The following KCTD8 variants were observed in gnomAD, a reference collection of about 807,000 sequenced individuals.
The protein encoded by KCTD8 is BTB/POZ domain-containing protein KCTD8.
In KCTD8, 27 loss-of-function variants were observed where a neutral mutation model predicts 31.5. That is an observed-to-expected ratio of 0.86 (90% CI 0.63 to 1.18). The LOEUF (loss-of-function observed/expected upper bound fraction) is 1.18. Among genes scored for constraint, KCTD8 ranks in the 50% most tolerant of loss-of-function variants. The pLI is 0.00. For synonymous variants in KCTD8, 290 were observed against 280.0 expected, an observed-to-expected ratio of 1.04 and a Z score of -0.36; for missense variants, 658 against 647.7, an observed-to-expected ratio of 1.02 and a Z score of -0.17.
At chr4:44,300,911 C>T (rs1474360542) in intron 1 of KCTD8, among the ~76,000 whole-genome samples, 2 of 145,606 alleles carry the variant, frequency 1.4e-5, no homozygotes, top group Non-Finnish European at 3.0e-5. Context: ...GTTCCCCTTC[C>T]TGTGTCCATA....
At position 44,221,812 on chromosome 4, in the gene KCTD8, T is replaced by C. The variant is rs559196971; in HGVS notation, c.962-46562A>G. Among the ~76,000 whole-genome samples the C allele has an allele frequency of 2.0e-3, 308 of 152,014 alleles. 3 individuals carry two copies. Among genetic ancestry groups the C allele is most frequent in the African/African-American group, 6.6e-3 (273 of 41,460 alleles). Reference sequence around the variant, plus strand: ...GCTGATTAGATGGTGCCCACCCAGATTGAGGGTGTCTGTGTCTCCCAATTC... The same window carrying C: ...GCTGATTAGATGGTGCCCACCCAGACTGAGGGTGTCTGTGTCTCCCAATTC... On this transcript the variant is annotated intron_variant, in intron 1 of 1. Transcript: ENST00000360029.
At chr4:44,305,270 T>G (rs935643209) in intron 1 of KCTD8, among the ~76,000 whole-genome samples, 3 of 151,470 alleles carry the variant, frequency 2.0e-5, no homozygotes, top group African/African-American at 7.3e-5. Context: ...TAAAAGTAAT[T>G]ATAAATAATC....
At chr4:44,289,629 T>C (rs73811999) in intron 1 of KCTD8, among the ~76,000 whole-genome samples, 4,477 of 152,086 alleles carry the variant, frequency 0.029, 240 homozygotes, top group African/African-American at 0.1. Context: ...TGCTGTGAAA[T>C]GTTGGGATCC....
At position 44,173,913 on chromosome 4, in the gene KCTD8, T is replaced by A. The variant is rs1290985372; in HGVS notation, c.*877A>T. The A allele has an allele frequency of 6.6e-6, 1 of 152,104 alleles. No homozygotes were observed. Among genetic ancestry groups the A allele is most frequent in the Admixed American group, 6.5e-5 (1 of 15,274 alleles). 9.4% of individuals were successfully genotyped at this position (152,104 alleles called of 1,614,324 possible). A position where few individuals can be genotyped will look rare whatever the true frequency, so the allele number is the denominator to read the frequency against. Reference sequence around the variant, plus strand: ...ATAGAAATCAAGAAATTCTAATACATTTTTCTTTTTTTAATAAATACATAA... The same window carrying A: ...ATAGAAATCAAGAAATTCTAATACAATTTTCTTTTTTTAATAAATACATAA... On this transcript the variant is annotated 3_prime_UTR_variant, in exon 2 of 2. Coordinates refer to ENST00000360029, the MANE Select transcript of KCTD8 (RefSeq NM_198353.3).
chr4:44,227,796 A>G (rs538262008), intron 1 of KCTD8, among the ~76,000 whole-genome samples: 1 of 152,314 alleles, frequency 6.6e-6, no homozygotes, highest in South Asian at 2.1e-4. Flanking sequence ...TTCACCTACA[A>G]GTACTGTCAC....
intron 1 of KCTD8, among the ~76,000 whole-genome samples, chr4:44,209,923 C>T (rs1013690989): frequency 6.6e-6 from 1 of 152,122 alleles, no homozygotes; most frequent in Non-Finnish European, 1.5e-5. Flanking sequence ...AAAAAAGCTA[C>T]ACTATGGAGA....
At chr4:44,193,763 G>A (rs895128761) in intron 1 of KCTD8, among the ~76,000 whole-genome samples, 2 of 152,078 alleles carry the variant, frequency 1.3e-5, no homozygotes, top group African/African-American at 4.8e-5. Context: ...TTTATCAAAT[G>A]TAAGGGTTTT....
Position 44,181,537 on chromosome 4 carries a change from T to A in KCTD8, c.962-6287A>T, listed in dbSNP as rs564809922. 3.3e-5 allele frequency among the ~76,000 whole-genome samples: 5 copies of A among 152,318 alleles called. No individual in the cohort carries two copies. In the South Asian group the frequency reaches 1.0e-3, roughly 32 times the overall value. ...CGCCGGGATTGCAGACGGAGTCTCC[T>A]TCACTCAGTGCTCAATGTTGCCCAG... On this transcript the variant is annotated intron_variant, in intron 1 of 1. Transcript: ENST00000360029.
chr4:44,385,523 T>C (rs1394383648), intron 1 of KCTD8, among the ~76,000 whole-genome samples: 1 of 151,574 alleles, frequency 6.6e-6, no homozygotes, highest in Non-Finnish European at 1.5e-5. Flanking sequence ...GTTTGGACCT[T>C]TACCTTATGT....
intron 1 of KCTD8, among the ~76,000 whole-genome samples, chr4:44,435,770 G>C (rs1364720292): frequency 6.6e-6 from 1 of 152,026 alleles, no homozygotes; most frequent in East Asian, 1.9e-4. Flanking sequence ...TGGCAGATGT[G>C]CCTGCTGTAT....
At chr4:44,329,331 G>A (rs746907052) in intron 1 of KCTD8, among the ~76,000 whole-genome samples, 5 of 150,454 alleles carry the variant, frequency 3.3e-5, no homozygotes, top group Non-Finnish European at 5.9e-5. Context: ...AACTGAGAGA[G>A]TATTTTTCTT....
chr4:44,211,108 G>T (rs1042665188), intron 1 of KCTD8, among the ~76,000 whole-genome samples: 2 of 152,038 alleles, frequency 1.3e-5, no homozygotes, highest in Admixed American at 6.6e-5. Flanking sequence ...GAAATATTAG[G>T]CTCATTTTAT....
chr4:44,402,931 T>G (rs1720701154), intron 1 of KCTD8, among the ~76,000 whole-genome samples: 1 of 152,154 alleles, frequency 6.6e-6, no homozygotes, highest in African/African-American at 2.4e-5. Flanking sequence ...AGGAATGAAC[T>G]AAAGATGATA....
chr4:44,221,330 GGTGTGTGTGTGTGTGCAT>G (rs1369533058), intron 1 of KCTD8, among the ~76,000 whole-genome samples: 1 of 146,902 alleles, frequency 6.8e-6, no homozygotes, highest in East Asian at 2.0e-4. Context: ...GGGTCCATCA[GGTGTGTGTGTGTGTGCAT>G]GTGTGTGTGT....
At chr4:44,250,096 C>A (rs563079864) in intron 1 of KCTD8, among the ~76,000 whole-genome samples, 2 of 151,886 alleles carry the variant, frequency 1.3e-5, no homozygotes, top group East Asian at 3.9e-4. Context: ...TGGCTCTGGA[C>A]ATCTTTGTAT....
In KCTD8 at chr4:44,445,571, G is replaced by T. The variant is rs558310109; in HGVS notation, c.961+1992C>A. 7.6e-4 allele frequency among the ~76,000 whole-genome samples: 116 copies of T among 152,096 alleles called. No individual in the cohort carries two copies. The Middle Eastern group carries it at 0.01, about 13-fold the overall frequency. On this transcript the variant is annotated intron_variant, in intron 1 of 1. Coordinates refer to ENST00000360029, the MANE Select transcript of KCTD8 (RefSeq NM_198353.3). ...TAAGTTTCCAGTTTCAATATACTAA[G>T]GGCACTTTTTTCCTAATGTAGAGAT...
At position 44,174,632 on chromosome 4, in the gene KCTD8, A is replaced by C. The variant is rs1713143820; in HGVS notation, c.*158T>G. ...TTTTAATCATGTTTCTAAAAAGAAC[A>C]ACAACTAAAACATAAAAGAAAATAC... is the stretch of plus-strand genomic sequence containing the variant. On this transcript the variant is annotated 3_prime_UTR_variant, in exon 2 of 2. Coordinates refer to ENST00000360029, the MANE Select transcript of KCTD8 (RefSeq NM_198353.3). The C allele has an allele frequency of 2.0e-6, 1 of 512,176 alleles. No homozygotes were observed. Among genetic ancestry groups the C allele is most frequent in the African/African-American group, 1.9e-5 (1 of 51,604 alleles). 31.7% of individuals were successfully genotyped at this position (512,176 alleles called of 1,614,324 possible).
intron 1 of KCTD8, among the ~76,000 whole-genome samples, chr4:44,355,852 G>A (rs1167686166): frequency 6.6e-6 from 1 of 151,998 alleles, no homozygotes; most frequent in Non-Finnish European, 1.5e-5. Flanking sequence ...ATTAATATAT[G>A]GGGCAGTGCA....
At chr4:44,384,505 T>A (rs922709997) in intron 1 of KCTD8, among the ~76,000 whole-genome samples, 90 of 151,916 alleles carry the variant, frequency 5.9e-4, no homozygotes, top group African/African-American at 2.1e-3. Context: ...CTGGAAAACA[T>A]TATGTTAAGT....
Sources: allele counts gnomAD v4.1 joint callset (sites outside exome capture counted in the v4.1 genomes callset), GRCh38; gene constraint gnomAD v4.1.1; transcripts MANE v1.5; gene names NCBI Gene and HGNC (gene_info 2026-07-23, HGNC 2026-07-21).